Variants in FRMD4A observed in about 807,000 individuals in gnomAD.
FRMD4A encodes FERM domain containing 4A, also known as FERM domain-containing protein 4A.
FRMD4A carries 29 observed loss-of-function variants against 129.1 expected under a neutral mutation model. The observed-to-expected ratio is 0.22, with a 90% CI of 0.17 to 0.31. The LOEUF is 0.31. FRMD4A is among the 10% of genes least tolerant of loss of function. The pLI is 1.00. For missense variants in FRMD4A, 1,272 were observed against 1,375.8 expected (o/e 0.92, Z 1.19); for synonymous variants, 634 against 571.6 (o/e 1.11, Z -1.56).
At position 14,313,122 on chromosome 10, in the gene FRMD4A, A is replaced by G. The variant is rs1006444748; in HGVS notation, c.45+16936T>C. Among the ~76,000 whole-genome samples, 3 of 152,088 alleles carry G rather than the reference A, an allele frequency of 2.0e-5. 1 individual carries two copies. The highest frequency in any genetic ancestry group is 4.1e-4 in the South Asian group (2 of 4,820). On this transcript the variant is annotated intron_variant, in intron 2 of 24. Transcript: ENST00000357447. ...AATCCCAATATTTTGGGAGGCTGAC[A>G]TGGTAGAACCACTTGAGCCCAGGAG...
intron 2 of FRMD4A, among the ~76,000 whole-genome samples, chr10:14,011,979 A>C (rs930571749): frequency 6.6e-6 from 1 of 151,760 alleles, no homozygotes; most frequent in Non-Finnish European, 1.5e-5. Flanking sequence ...ACTGCACTCC[A>C]GCCTGGGAGG....
intron 2 of FRMD4A, among the ~76,000 whole-genome samples, chr10:13,946,864 T>C (rs1302734358): frequency 2.0e-5 from 3 of 152,134 alleles, no homozygotes; most frequent in Non-Finnish European, 4.4e-5. Flanking sequence ...GAGCTGGCCA[T>C]GCTTCAATAA....
At chr10:13,679,523 C>T (rs770744712) in intron 15 of FRMD4A, among the ~76,000 whole-genome samples, 20 of 107,498 alleles carry the variant, frequency 1.9e-4, no homozygotes, top group East Asian at 3.5e-4. Flanking sequence ...TGTTCACAAA[C>T]GATGTTTCCT....
At chr10:13,688,081 G>A (rs980343691) in intron 15 of FRMD4A, among the ~76,000 whole-genome samples, 4 of 152,184 alleles carry the variant, frequency 2.6e-5, no homozygotes, top group Admixed American at 6.5e-5. Flanking sequence ...TGAGTCATCT[G>A]CAGTGTGATG....
intron 6 of FRMD4A, 94 bp from the exon 7 acceptor site, chr10:13,762,774 A>T: frequency 1.3e-6 from 1 of 777,184 alleles, no homozygotes; most frequent in Non-Finnish European, 2.2e-6. Context: ...CGGGAGGATT[A>T]CTTGAGCCCT....
At chr10:14,127,980 T>TTTCTTTCTTTCTTTCTTTCTTTC (rs1564319427) in intron 2 of FRMD4A, among the ~76,000 whole-genome samples, 1 of 19,358 alleles carries the variant, frequency 5.2e-5, no homozygotes, top group African/African-American at 2.3e-4. Flanking sequence ...CTTTCTTTCC[T>TTTCTTTCTTTCTTTCTTTCTTTC]TCTCTCTCTC....
intron 2 of FRMD4A, among the ~76,000 whole-genome samples, chr10:14,002,933 GGTT>G (rs2095647795): frequency 3.9e-5 from 6 of 152,172 alleles, no homozygotes; most frequent in African/African-American, 1.4e-4. Flanking sequence ...GTCCACGCAT[GGTT>G]GGAATATAAC....
At chr10:13,841,223 T>G (rs1189117583) in intron 3 of FRMD4A, among the ~76,000 whole-genome samples, 1 of 152,250 alleles carries the variant, frequency 6.6e-6, no homozygotes, top group East Asian at 1.9e-4. Context: ...GGCCAAGGTT[T>G]AAGATTCTGG....
chr10:14,276,914 G>A (rs1233357898), intron 2 of FRMD4A, among the ~76,000 whole-genome samples: 1 of 152,132 alleles, frequency 6.6e-6, no homozygotes, highest in South Asian at 2.1e-4. Context: ...TGCCAGGCTG[G>A]AGTGCAGTGG....
intron 3 of FRMD4A, among the ~76,000 whole-genome samples, chr10:13,850,804 T>C (rs2094130394): frequency 6.6e-6 from 1 of 152,260 alleles, no homozygotes; most frequent in South Asian, 2.1e-4. Context: ...TACCTATACT[T>C]CACTAGCTAC....
At position 13,737,535 on chromosome 10, in the gene FRMD4A, G is replaced by A. The variant is rs191572729; in HGVS notation, c.759+309C>T. Among the ~76,000 whole-genome samples, 8 of 152,192 alleles carry A rather than the reference G, an allele frequency of 5.3e-5. No individual in the cohort carries two copies. The East Asian group carries it at 7.7e-4, about 15-fold the overall frequency. On this transcript the variant is annotated intron_variant, in intron 12 of 24. Coordinates refer to ENST00000357447, the MANE Select transcript of FRMD4A (RefSeq NM_018027.5). ...TTTTCCAAAGAATACAGCCCTGCCC[G>A]AAATTAAGGAACAGGATAGTCCCTC...
intron 2 of FRMD4A, among the ~76,000 whole-genome samples, chr10:14,307,089 T>C (rs1846379263): frequency 6.6e-6 from 1 of 152,258 alleles, no homozygotes; most frequent in Non-Finnish European, 1.5e-5. Flanking sequence ...TCCATTCTCA[T>C]GTATTAGCCA....
At position 13,695,960 on chromosome 10, in the gene FRMD4A, A is replaced by ATGGAAGTC. The variant is rs2086188975; in HGVS notation, c.976-1929_976-1922dup. The stretch of plus-strand genomic sequence containing the variant: ...CGACTTCCGACCTCATGTTAACACG[A>ATGGAAGTC]TGGAAGTCTGCGGGCTGGAGGAAAC... On this transcript the variant is annotated intron_variant, in intron 14 of 24. Coordinates refer to ENST00000357447, the MANE Select transcript of FRMD4A (RefSeq NM_018027.5). 5.3e-5 allele frequency among the ~76,000 whole-genome samples: 8 copies of ATGGAAGTC among 152,290 alleles called. No homozygotes were observed. In the South Asian group the frequency reaches 1.7e-3, roughly 32 times the overall value.
chr10:14,023,825 A>G (rs1025278338), intron 2 of FRMD4A, among the ~76,000 whole-genome samples: 1 of 152,200 alleles, frequency 6.6e-6, no homozygotes, highest in Non-Finnish European at 1.5e-5. Context: ...TCAGGCCACA[A>G]AATCACTTCC....
chr10:14,236,100 C>A (rs893478159), intron 2 of FRMD4A, among the ~76,000 whole-genome samples: 1 of 152,198 alleles, frequency 6.6e-6, no homozygotes, highest in Non-Finnish European at 1.5e-5. Context: ...CTTTCCTATT[C>A]TTGACGATTT....
At chr10:14,137,145 G>A (rs1321440483) in intron 2 of FRMD4A, among the ~76,000 whole-genome samples, 2 of 152,182 alleles carry the variant, frequency 1.3e-5, no homozygotes, top group African/African-American at 2.4e-5. Flanking sequence ...ATAAGGCCTC[G>A]CCTCCACAGG....
intron 2 of FRMD4A, among the ~76,000 whole-genome samples, chr10:14,038,964 G>A (rs774302332): frequency 6.6e-6 from 1 of 152,212 alleles, no homozygotes; most frequent in Non-Finnish European, 1.5e-5. Context: ...GAGCATTTTT[G>A]AAAGGGCCAG....
At chr10:13,741,912 T>C (rs2091025826) in intron 9 of FRMD4A, among the ~76,000 whole-genome samples, 1 of 152,192 alleles carries the variant, frequency 6.6e-6, no homozygotes, top group South Asian at 2.1e-4. Flanking sequence ...GCTGGAGTGC[T>C]GTGGAGCGAT....
intron 2 of FRMD4A, among the ~76,000 whole-genome samples, chr10:13,972,531 T>C (rs2131386457): frequency 6.6e-6 from 1 of 152,206 alleles, no homozygotes; most frequent in East Asian, 1.9e-4. Context: ...AAAGTCAACC[T>C]ATCCCGTTTT....
Sources: allele counts gnomAD v4.1 joint callset (sites outside exome capture counted in the v4.1 genomes callset), GRCh38; gene constraint gnomAD v4.1.1; transcripts MANE v1.5; gene names NCBI Gene and HGNC (gene_info 2026-07-23, HGNC 2026-07-21).